CSMD1: variants seen among roughly 807,000 people sequenced by gnomAD.
CSMD1 encodes the protein CUB and Sushi multiple domains 1.
In CSMD1, 213 loss-of-function variants were observed where a neutral mutation model predicts 417.5. The observed-to-expected ratio is 0.51, with a 90% CI of 0.46 to 0.57. The LOEUF (loss-of-function observed/expected upper bound fraction) is 0.57, where lower values mean the gene tolerates loss of function less well. Ranked by LOEUF, CSMD1 falls within the 20% of genes least tolerant of loss-of-function variation. The pLI, the probability that CSMD1 is intolerant of heterozygous loss-of-function variation, is 0.00. For missense variants in CSMD1, 6,923 were observed against 4,529.7 expected, an observed-to-expected ratio of 1.53 and a Z score of -15.17; for synonymous variants, 2,862 against 1,736.8, an observed-to-expected ratio of 1.65 and a Z score of -16.11.
chr8:3,142,397 C>T lies in CSMD1; in HGVS notation c.6241+68G>A, dbSNP rs1818556869. On this transcript the variant is annotated intron_variant, in intron 41 of 69. Transcript: ENST00000635120. ...TTGGAACCAGTTAGGGAGATTTATA[C>T]TTAAATACAATTTACATGTAAGAAG... 6 of 1,339,398 alleles carry T rather than the reference C, an allele frequency of 4.5e-6. No homozygotes were observed. In the Admixed American group the frequency reaches 9.9e-5, roughly 22 times the overall value. The allele number at this position is 1,339,398 out of a possible 1,614,324, so 83.0% of individuals were successfully genotyped here.
intron 1 of CSMD1, among the ~76,000 whole-genome samples, chr8:4,797,022 G>A (rs79378375): frequency 1.3e-5 from 2 of 152,134 alleles, no homozygotes; most frequent in Admixed American, 6.5e-5. Flanking sequence ...CATAAAGAAA[G>A]GGAGACTGTC....
chr8:4,120,566 G>A (rs1193324591), intron 3 of CSMD1, among the ~76,000 whole-genome samples: 5 of 152,192 alleles, frequency 3.3e-5, no homozygotes, highest in African/African-American at 4.8e-5. Context: ...CTGGCGACCG[G>A]GAGGCTTTCA....
intron 2 of CSMD1, among the ~76,000 whole-genome samples, chr8:4,548,522 A>G (rs896179867): frequency 4.6e-5 from 7 of 152,336 alleles, no homozygotes; most frequent in African/African-American, 1.7e-4. Flanking sequence ...GCAAAAATAA[A>G]AAATGAATGC....
intron 5 of CSMD1, among the ~76,000 whole-genome samples, chr8:3,900,900 G>A (rs975474126): frequency 2.0e-5 from 3 of 152,190 alleles, no homozygotes; most frequent in African/African-American, 7.2e-5. Context: ...TGCTTGATCT[G>A]AGTCCTCGTG....
At chr8:3,110,684 G>T (rs1426723995) in intron 42 of CSMD1, among the ~76,000 whole-genome samples, 1 of 152,188 alleles carries the variant, frequency 6.6e-6, no homozygotes, top group African/African-American at 2.4e-5. Context: ...TATGGGGAAA[G>T]TATTCATAAA....
chr8:4,107,446 G>C (rs1801626177), intron 3 of CSMD1, among the ~76,000 whole-genome samples: 1 of 152,188 alleles, frequency 6.6e-6, no homozygotes, highest in Non-Finnish European at 1.5e-5. Flanking sequence ...GTACGGATTT[G>C]TTTAAAGCAC....
chr8:4,445,929 G>C (rs1005806047), intron 2 of CSMD1, among the ~76,000 whole-genome samples: 1 of 152,114 alleles, frequency 6.6e-6, no homozygotes, highest in Non-Finnish European at 1.5e-5. Context: ...CCTTTCAGCT[G>C]GTCAGAGAAA....
At position 3,367,311 on chromosome 8, in the gene CSMD1, G is replaced by C. The variant is rs980468784; in HGVS notation, c.2900-64C>G. On this transcript the variant is annotated intron_variant, in intron 19 of 69. Transcript: ENST00000635120. ...AGAGACACACGGGGCGGCGGGGGCA[G>C]AGAGGGAGCGGGGCAGAGAGAGACA... 5.8e-6 allele frequency: 6 copies of C among 1,040,148 alleles called. No homozygotes were observed. The South Asian group carries it at 6.9e-5, about 12-fold the overall frequency. The allele number at this position is 1,040,148 out of a possible 1,614,324, so 64.4% of individuals were successfully genotyped here. A position where few individuals can be genotyped will look rare whatever the true frequency, so the allele number is the denominator to read the frequency against.
intron 3 of CSMD1, among the ~76,000 whole-genome samples, chr8:4,341,184 G>A (rs1188322830): frequency 1.3e-5 from 2 of 151,902 alleles, no homozygotes; most frequent in African/African-American, 2.4e-5. Context: ...CTATATTTGG[G>A]GATTCAAATC....
intron 10 of CSMD1, among the ~76,000 whole-genome samples, chr8:3,528,350 G>C (rs1320028552): frequency 6.6e-6 from 1 of 152,178 alleles, no homozygotes; most frequent in Non-Finnish European, 1.5e-5. Flanking sequence ...CAAAGGAAAG[G>C]TGACAGGCAC....
chr8:3,004,117 G>A (rs1459431726), intron 52 of CSMD1, among the ~76,000 whole-genome samples: 2 of 152,060 alleles, frequency 1.3e-5, no homozygotes, highest in Non-Finnish European at 2.9e-5. Flanking sequence ...CGTGGGGTGA[G>A]GGCAGCCCTG....
chr8:3,744,701 G>A (rs1472562043), intron 6 of CSMD1, among the ~76,000 whole-genome samples: 9 of 152,152 alleles, frequency 5.9e-5, no homozygotes, highest in Non-Finnish European at 1.2e-4. Flanking sequence ...AACATGAAAC[G>A]TTGTCTGGGC....
At chr8:4,557,138 T>G (rs926291950) in intron 2 of CSMD1, among the ~76,000 whole-genome samples, 1 of 152,200 alleles carries the variant, frequency 6.6e-6, no homozygotes, top group Non-Finnish European at 1.5e-5. Flanking sequence ...TTGTAAAGGT[T>G]AATTTTGCTT....
chr8:4,835,580 C>T (rs1391860584), intron 1 of CSMD1, among the ~76,000 whole-genome samples: 1 of 152,120 alleles, frequency 6.6e-6, no homozygotes, highest in Non-Finnish European at 1.5e-5. Context: ...TTGGAATTAT[C>T]CTAACACAAA....
intron 6 of CSMD1, among the ~76,000 whole-genome samples, chr8:3,744,661 C>A (rs1796980108): frequency 6.6e-6 from 1 of 152,156 alleles, no homozygotes; most frequent in Non-Finnish European, 1.5e-5. Context: ...ATGCTATTTA[C>A]AAGCGATGCC....
intron 5 of CSMD1, among the ~76,000 whole-genome samples, chr8:3,832,265 C>G (rs759557559): frequency 3.3e-5 from 5 of 152,166 alleles, no homozygotes; most frequent in African/African-American, 4.8e-5. Flanking sequence ...CCTGATTTCC[C>G]TTATTCCTGA....
chr8:4,973,850 T>A (rs559727950), intron 1 of CSMD1, among the ~76,000 whole-genome samples: 8 of 152,324 alleles, frequency 5.3e-5, no homozygotes, highest in Non-Finnish European at 8.8e-5. Context: ...ATTATTCCTT[T>A]CAAATCAACG....
intron 3 of CSMD1, among the ~76,000 whole-genome samples, chr8:4,331,897 T>C (rs1374629501): frequency 6.6e-6 from 1 of 152,156 alleles, no homozygotes; most frequent in Non-Finnish European, 1.5e-5. Context: ...AGTTTAACTA[T>C]GGAAAAGCCC....
At chr8:3,917,413 C>T (rs1027090901) in intron 5 of CSMD1, among the ~76,000 whole-genome samples, 3 of 87,294 alleles carry the variant, frequency 3.4e-5, no homozygotes, top group Admixed American at 1.1e-4. Flanking sequence ...GGTTATACCA[C>T]GAAACACACA....
Sources: allele counts gnomAD v4.1 joint callset (sites outside exome capture counted in the v4.1 genomes callset), GRCh38; gene constraint gnomAD v4.1.1; transcripts MANE v1.5; gene names NCBI Gene and HGNC (gene_info 2026-07-23, HGNC 2026-07-21).